NEMP2: variants seen among roughly 807,000 people sequenced by gnomAD.
The protein encoded by NEMP2 is nuclear envelope integral membrane protein 2.
A neutral mutation model predicts 54.2 loss-of-function variants in NEMP2; 53 were observed. That is an observed-to-expected ratio of 0.98 (90% CI 0.78 to 1.23). NEMP2 has a LOEUF of 1.23. NEMP2 is among the 50% of genes most tolerant of loss of function. The pLI is 0.00. For synonymous variants in NEMP2, 197 were observed against 190.3 expected (o/e 1.04, Z -0.29); for missense variants, 455 against 511.3 (o/e 0.89, Z 1.06).
In NEMP2 at chr2:190,510,668, T is replaced by C. The variant is rs1162849574; in HGVS notation, c.954-131A>G. The C allele has an allele frequency of 2.4e-6, 2 of 817,736 alleles. No homozygotes were observed. Among genetic ancestry groups the C allele is most frequent in the South Asian group, 1.7e-5 (1 of 59,654 alleles). 50.7% of individuals were successfully genotyped at this position (817,736 alleles called of 1,614,324 possible). A position where few individuals can be genotyped will look rare whatever the true frequency, so the allele number is the denominator to read the frequency against. On this transcript the variant is annotated intron_variant, in intron 7 of 8. Transcript: ENST00000409150. This position sits in a 1 kb window ranked among gnomAD's most constrained non-coding sequence, Gnocchi z 5.7. ...AGGCCTGGGGAGGCGGATCACGAGG[T>C]CAGGAGATTGAGACGGTCCTGGCTA... is the stretch of plus-strand genomic sequence containing the variant.
the NEMP2 span, among the ~76,000 whole-genome samples, chr2:190,547,959 G>C: frequency 6.6e-6 from 1 of 152,336 alleles, no homozygotes; most frequent in East Asian, 1.9e-4. The surrounding 1 kb of genome is among the most constrained non-coding windows in gnomAD (Gnocchi z 6.2). Context: ...TAAAAAAGGA[G>C]AGGTGGGGTG....
rs1045058100 is a variant in NEMP2, at chr2:190,513,749, T to C, written c.953+704A>G. Among the ~76,000 whole-genome samples the C allele has an allele frequency of 6.6e-5, 10 of 152,244 alleles. No individual in the cohort carries two copies. The highest frequency in any genetic ancestry group is 2.9e-5 in the Non-Finnish European group (2 of 68,038). ...CTTTAAGATTCAGCGTAGTAATATC[T>C]CTCCAGGAAAGCTCTCCTGGCTTTC... On this transcript the variant is annotated intron_variant, in intron 7 of 8. Coordinates refer to ENST00000409150, the MANE Select transcript of NEMP2 (RefSeq NM_001142645.2). This position sits in a 1 kb window ranked among gnomAD's most constrained non-coding sequence, Gnocchi z 5.3.
chr2:190,579,127 T>TTG, the NEMP2 span, among the ~76,000 whole-genome samples: 1 of 151,948 alleles, frequency 6.6e-6, no homozygotes, highest in African/African-American at 2.4e-5. Flanking sequence ...CAGTCTTGGT[T>TTG]TGTGTGTGTG....
chr2:190,488,616 A>T, the NEMP2 span: 1 of 1,409,400 alleles, frequency 7.1e-7, no homozygotes, highest in East Asian at 2.7e-5. The surrounding 1 kb of genome is among the most constrained non-coding windows in gnomAD (Gnocchi z 6.4). Context: ...AGCCTAAGAA[A>T]TGCTAACCAA....
chr2:190,555,584 C>T, the NEMP2 span, among the ~76,000 whole-genome samples: 3 of 151,030 alleles, frequency 2.0e-5, no homozygotes, highest in Non-Finnish European at 4.4e-5. The surrounding 1 kb of genome is among the most constrained non-coding windows in gnomAD (Gnocchi z 4.8). Context: ...GATTGAAGAT[C>T]AACTTAATGA....
rs560032283 is a variant in NEMP2, at chr2:190,525,394, G to C, written c.98-16C>G. 7.0e-7 allele frequency: 1 copy of C among 1,423,192 alleles called. No homozygotes were observed. Among genetic ancestry groups the C allele is most frequent in the Non-Finnish European group, 9.6e-7 (1 of 1,037,318 alleles). The allele number at this position is 1,423,192 out of a possible 1,614,324, so 88.2% of individuals were successfully genotyped here. On this transcript the variant is annotated splice_polypyrimidine_tract_variant and intron_variant, in intron 1 of 8. Coordinates refer to ENST00000409150, the MANE Select transcript of NEMP2 (RefSeq NM_001142645.2). The surrounding 1 kb of genome is among the most constrained non-coding windows in gnomAD (Gnocchi z 5.0). The stretch of plus-strand genomic sequence containing the variant: ...CACCTACGAACTGAGAGATGGAAAA[G>C]GGAATGCATTTTCTAACTGTTTAAT...
chr2:190,622,979 A>G, the NEMP2 span, among the ~76,000 whole-genome samples: 3 of 152,280 alleles, frequency 2.0e-5, no homozygotes, highest in African/African-American at 7.2e-5. Flanking sequence ...AACCAATTCA[A>G]TAAAGTTTCA....
chr2:190,541,132 T>A, the NEMP2 span, among the ~76,000 whole-genome samples: 2 of 151,676 alleles, frequency 1.3e-5, no homozygotes, highest in South Asian at 4.2e-4. This position sits in a 1 kb window ranked among gnomAD's most constrained non-coding sequence, Gnocchi z 5.2. Flanking sequence ...GGCTAAAAGT[T>A]TGTCGATTTT....
chr2:190,436,954 G>A, the NEMP2 span: 18 of 1,614,050 alleles, frequency 1.1e-5, no homozygotes, highest in East Asian at 2.2e-5. This position sits in a 1 kb window ranked among gnomAD's most constrained non-coding sequence, Gnocchi z 5.3. Context: ...TGTCACAATC[G>A]TAGACACGGT....
chr2:190,627,593 GAA>G, the NEMP2 span, among the ~76,000 whole-genome samples: 1 of 141,980 alleles, frequency 7.0e-6, no homozygotes. This position sits in a 1 kb window ranked among gnomAD's most constrained non-coding sequence, Gnocchi z 4.4. Flanking sequence ...AGTTCTTAGG[GAA>G]AAAAAAAAAA....
At chr2:190,568,865 A>G in the NEMP2 span, among the ~76,000 whole-genome samples, 60 of 152,292 alleles carry the variant, frequency 3.9e-4, no homozygotes, top group African/African-American at 1.4e-3. The surrounding 1 kb of genome is among the most constrained non-coding windows in gnomAD (Gnocchi z 4.7). Context: ...AATAATTATC[A>G]GAGAAAAACA....
At chr2:190,604,137 G>A in the NEMP2 span, among the ~76,000 whole-genome samples, 39 of 152,310 alleles carry the variant, frequency 2.6e-4, no homozygotes, top group African/African-American at 7.0e-4. The surrounding 1 kb of genome is among the most constrained non-coding windows in gnomAD (Gnocchi z 4.5). Context: ...CGTGTCCATC[G>A]ATAGGTGCCT....
In NEMP2 at chr2:190,530,129, G is replaced by T. The variant is rs1451009895; in HGVS notation, c.97+4430C>A. On this transcript the variant is annotated intron_variant, in intron 1 of 8. Coordinates refer to ENST00000409150, the MANE Select transcript of NEMP2 (RefSeq NM_001142645.2). The surrounding 1 kb of genome is among the most constrained non-coding windows in gnomAD (Gnocchi z 4.6). ...TCTGCCAGTTAGAGGAAAAGAACTT[G>T]TTCTGCATTTCCCCTCAGTCTTCAA... is the stretch of plus-strand genomic sequence containing the variant. 1.3e-5 allele frequency among the ~76,000 whole-genome samples: 2 copies of T among 152,216 alleles called. No homozygotes were observed. Among genetic ancestry groups the T allele is most frequent in the Non-Finnish European group, 2.9e-5 (2 of 68,044 alleles).
chr2:190,642,757 A>G, the NEMP2 span, among the ~76,000 whole-genome samples: 1 of 152,162 alleles, frequency 6.6e-6, no homozygotes, highest in Non-Finnish European at 1.5e-5. The surrounding 1 kb of genome is among the most constrained non-coding windows in gnomAD (Gnocchi z 4.1). Flanking sequence ...TTCTGAGGCA[A>G]TAATAGACGA....
chr2:190,430,631 C>T, the NEMP2 span, among the ~76,000 whole-genome samples: 63,845 of 148,284 alleles, frequency 0.43, 12,713 homozygotes, highest in East Asian at 0.59. Flanking sequence ...AGCAACCATC[C>T]GATTTCTCAA....
At chr2:190,538,334 A>G (rs1334558237), upstream of NEMP2, among the ~76,000 whole-genome samples, 1 of 152,168 alleles carries the variant, frequency 6.6e-6, no homozygotes, top group Non-Finnish European at 1.5e-5. This position sits in a 1 kb window ranked among gnomAD's most constrained non-coding sequence, Gnocchi z 4.1. Flanking sequence ...ATAATATTCC[A>G]TTGTGTATAT....
the NEMP2 span, among the ~76,000 whole-genome samples, chr2:190,434,182 C>A: frequency 3.7e-3 from 473 of 129,466 alleles, no homozygotes; most frequent in Non-Finnish European, 4.2e-3. The surrounding 1 kb of genome is among the most constrained non-coding windows in gnomAD (Gnocchi z 4.3). Flanking sequence ...CCCTGTCTCT[C>A]AAAAAAAAAA....
the NEMP2 span, among the ~76,000 whole-genome samples, chr2:190,457,457 C>A: frequency 6.6e-6 from 1 of 152,164 alleles, no homozygotes; most frequent in Non-Finnish European, 1.5e-5. This position sits in a 1 kb window ranked among gnomAD's most constrained non-coding sequence, Gnocchi z 5.1. Flanking sequence ...GCTGACAAGT[C>A]AAAAATGTGC....
the NEMP2 span, among the ~76,000 whole-genome samples, chr2:190,617,868 C>T: frequency 3.9e-5 from 6 of 152,184 alleles, no homozygotes; most frequent in African/African-American, 1.4e-4. This position sits in a 1 kb window ranked among gnomAD's most constrained non-coding sequence, Gnocchi z 5.0. Context: ...ATTTAGCCTA[C>T]ATTTTTATGA....
Sources: allele counts gnomAD v4.1 joint callset (sites outside exome capture counted in the v4.1 genomes callset), GRCh38; gene constraint gnomAD v4.1.1; non-coding constraint Gnocchi (gnomAD v3.1); transcripts MANE v1.5; gene names NCBI Gene and HGNC (gene_info 2026-07-23, HGNC 2026-07-21).